Variants in ACO2 observed in about 807,000 individuals in gnomAD.
ACO2 encodes aconitate hydratase, mitochondrial.
A neutral mutation model predicts 84.5 loss-of-function variants in ACO2; 31 were observed. The observed-to-expected ratio is 0.37, with a 90% CI of 0.28 to 0.50. The LOEUF is 0.50. Among genes scored for constraint, ACO2 ranks in the 20% least tolerant of loss-of-function variants. The pLI is 0.97. For synonymous variants in ACO2, 414 were observed against 412.7 expected, an observed-to-expected ratio of 1.00 and a Z score of -0.04; for missense variants, 685 against 1,029.3, an observed-to-expected ratio of 0.67 and a Z score of 4.58.
At position 41,515,086 on chromosome 22, in the gene ACO2, G is replaced by A. The variant is rs543278542; in HGVS notation, c.526-291G>A. On this transcript the variant is annotated intron_variant, in intron 4 of 17. Transcript: ENST00000216254. The surrounding 1 kb of genome is among the most constrained non-coding windows in gnomAD (Gnocchi z 5.8). ...ATCCTGGGGTCATGGTGGTATGGGTGTTTGGTTACTGTGCTACAAATGAGG... is the reference window on the plus strand; with the variant it reads ...ATCCTGGGGTCATGGTGGTATGGGTATTTGGTTACTGTGCTACAAATGAGG... Among the ~76,000 whole-genome samples the A allele has an allele frequency of 1.3e-5, 2 of 152,346 alleles. No individual in the cohort carries two copies. Among genetic ancestry groups the A allele is most frequent in the East Asian group, 3.9e-4 (2 of 5,172 alleles).
chr22:41,478,742 C>A (rs2038049721), intron 1 of ACO2, among the ~76,000 whole-genome samples: 3 of 151,506 alleles, frequency 2.0e-5, no homozygotes, highest in Non-Finnish European at 2.9e-5. Context: ...AAAACCCCCG[C>A]CCTGTCCCTG....
intron 2 of ACO2, among the ~76,000 whole-genome samples, chr22:41,504,711 C>CT (rs926246283): frequency 0.079 from 3,825 of 48,414 alleles, 574 homozygotes; most frequent in African/African-American, 0.099. Context: ...ACCTTAGGGA[C>CT]TTTTTTTTTT....
At chr22:41,516,816 G>T (rs1335422158) in intron 6 of ACO2, among the ~76,000 whole-genome samples, 2 of 152,146 alleles carry the variant, frequency 1.3e-5, no homozygotes, top group Non-Finnish European at 2.9e-5. Context: ...TCCGCCTCCT[G>T]GGTTCAAGCA....
At chr22:41,521,636 A>G (rs889326385) in intron 9 of ACO2, 4 of 152,216 alleles carry the variant, frequency 2.6e-5, no homozygotes, top group Non-Finnish European at 5.9e-5. Context: ...AATAAGGGCA[A>G]TATAATGTGT....
chr22:41,481,658 G>A lies in ACO2; in HGVS notation c.36+12476G>A, dbSNP rs111666228. On this transcript the variant is annotated intron_variant, in intron 1 of 17. Transcript: ENST00000216254. The stretch of plus-strand genomic sequence containing the variant: ...TGAGTGGGTGTACATGTGATGTGCC[G>A]TGGGGTGGGCCCTTTTCCCATCTGC... Among the ~76,000 whole-genome samples, 18 of 152,334 alleles carry A rather than the reference G, an allele frequency of 1.2e-4. 2 individuals carry two copies. The highest frequency in any genetic ancestry group is 2.4e-4 in the African/African-American group (10 of 41,576).
chr22:41,525,002 G>T, intron 13 of ACO2, 34 bp downstream of exon 13: 1 of 1,614,074 alleles, frequency 6.2e-7, no homozygotes, highest in Non-Finnish European at 8.5e-7. Flanking sequence ...GCTGGTTGCT[G>T]TGTGGCCACG....
chr22:41,504,585 A>G (rs1260267380), intron 2 of ACO2, among the ~76,000 whole-genome samples: 1 of 152,098 alleles, frequency 6.6e-6, no homozygotes, highest in African/African-American at 2.4e-5. Context: ...TTGCCCGTAC[A>G]CCAGCCTTGG....
At chr22:41,505,549 C>T (rs2066387247) in intron 2 of ACO2, among the ~76,000 whole-genome samples, 1 of 152,178 alleles carries the variant, frequency 6.6e-6, no homozygotes. Flanking sequence ...CGTAGGGCCA[C>T]ACTGCTGCCT....
At chr22:41,485,026 G>C (rs1261763314) in intron 1 of ACO2, among the ~76,000 whole-genome samples, 1 of 151,468 alleles carries the variant, frequency 6.6e-6, no homozygotes, top group African/African-American at 2.4e-5. Flanking sequence ...AGGCGTGTGC[G>C]ACCACACTCT....
chr22:41,521,972 T>G (rs2066530415), intron 9 of ACO2, among the ~76,000 whole-genome samples: 1 of 152,112 alleles, frequency 6.6e-6, no homozygotes, highest in South Asian at 2.1e-4. Flanking sequence ...GGGGTTTCAC[T>G]GTGTTAGCCA....
chr22:41,521,478 G>A (rs917777319), intron 9 of ACO2: 2 of 152,218 alleles, frequency 1.3e-5, no homozygotes, highest in Admixed American at 1.3e-4. Context: ...TTCCCCATCT[G>A]TAAAACAGGA....
intron 13 of ACO2, 65 bp from the exon 14 acceptor site, chr22:41,525,128 C>T: frequency 6.3e-7 from 1 of 1,597,990 alleles, no homozygotes; most frequent in Non-Finnish European, 8.6e-7. Context: ...AACTTGCCTT[C>T]TGAGAGTCTG....
chr22:41,492,417 A>T (rs2066278170), intron 1 of ACO2, among the ~76,000 whole-genome samples: 1 of 152,092 alleles, frequency 6.6e-6, no homozygotes, highest in Non-Finnish European at 1.5e-5. Context: ...CAGGCGGATC[A>T]CCTGAGGTCA....
intron 1 of ACO2, among the ~76,000 whole-genome samples, chr22:41,494,295 T>C (rs2066295471): frequency 6.6e-6 from 1 of 152,180 alleles, no homozygotes; most frequent in South Asian, 2.1e-4. Context: ...TAGGAGCCGC[T>C]TCACTGGGTG....
intron 14 of ACO2, 27 bp from the exon 15 acceptor site, chr22:41,526,235 C>T (rs372507274): frequency 5.2e-5 from 84 of 1,602,862 alleles, no homozygotes; most frequent in Middle Eastern, 4.5e-4. Context: ...ATGCCCTGAC[C>T]TCTGTCCTCT....
At chr22:41,487,974 T>C (rs890153230) in intron 1 of ACO2, among the ~76,000 whole-genome samples, 2 of 152,178 alleles carry the variant, frequency 1.3e-5, no homozygotes, top group Non-Finnish European at 2.9e-5. Context: ...ACCTTCAAAA[T>C]ATATGCATCT....
At chr22:41,500,279 A>T (rs1361522895) in intron 2 of ACO2, among the ~76,000 whole-genome samples, 2 of 151,640 alleles carry the variant, frequency 1.3e-5, no homozygotes, top group African/African-American at 4.8e-5. Flanking sequence ...AAGATAAACT[A>T]AGATGGGACC....
rs960159463 is a variant in ACO2, at chr22:41,515,696, G to T, written c.685-71G>T. 14 of 1,607,648 alleles carry T rather than the reference G, an allele frequency of 8.7e-6. No individual in the cohort carries two copies. The African/African-American group carries it at 1.7e-4, about 20-fold the overall frequency. On this transcript the variant is annotated intron_variant, in intron 5 of 17. Coordinates refer to ENST00000216254, the MANE Select transcript of ACO2 (RefSeq NM_001098.3). This position sits in a 1 kb window ranked among gnomAD's most constrained non-coding sequence, Gnocchi z 5.8. ...TAAGCAGCAATGTGAATGGCAGCAG[G>T]GCCATCCTGACTTCGTGGCTGGCAC...
Position 41,515,282 on chromosome 22 carries a change from G to A in ACO2, c.526-95G>A. The stretch of plus-strand genomic sequence containing the variant: ...CTACCAGTTCCATCCTGGGAGAGTG[G>A]CTGGACGTGGTTGGGAGGCCCCGGG... On this transcript the variant is annotated intron_variant, in intron 4 of 17. Transcript: ENST00000216254. The surrounding 1 kb of genome is among the most constrained non-coding windows in gnomAD (Gnocchi z 5.8). 6.9e-7 allele frequency: 1 copy of A among 1,440,016 alleles called. No homozygotes were observed. Among genetic ancestry groups the A allele is most frequent in the Non-Finnish European group, 9.7e-7 (1 of 1,028,114 alleles). The allele number at this position is 1,440,016 out of a possible 1,614,324, so 89.2% of individuals were successfully genotyped here.
Sources: gnomAD v4.1 joint callset for allele counts (sites outside exome capture counted in the v4.1 genomes callset) on GRCh38, gnomAD v4.1.1 for gene constraint, Gnocchi (gnomAD v3.1) non-coding constraint, MANE v1.5 for transcripts, NCBI Gene and HGNC (gene_info 2026-07-23, HGNC 2026-07-21) for gene names.